The following PRELID2 variants were observed in gnomAD, a reference collection of about 807,000 sequenced individuals.
The protein encoded by PRELID2 is PRELI domain-containing protein 2.
In PRELID2, 25 loss-of-function variants were observed where a neutral mutation model predicts 28.4. The ratio of observed to expected loss-of-function variants is 0.88; its 90% confidence interval spans 0.64 to 1.23. The LOEUF is 1.23. PRELID2 is among the 50% of genes most tolerant of loss of function. The pLI is 0.00. For synonymous variants in PRELID2, 76 were observed against 71.6 expected (o/e 1.06, Z -0.31); for missense variants, 201 against 214.4 (o/e 0.94, Z 0.39).
At chr5:145,513,757 T>G (rs1309847890) in intron 1 of PRELID2, among the ~76,000 whole-genome samples, 2 of 152,170 alleles carry the variant, frequency 1.3e-5, no homozygotes, top group African/African-American at 4.8e-5. Context: ...AATGTCGGGT[T>G]ACTCACAAAG....
intron 5 of PRELID2, among the ~76,000 whole-genome samples, chr5:145,771,974 A>C (rs1758135743): frequency 6.6e-6 from 1 of 152,312 alleles, no homozygotes; most frequent in African/African-American, 2.4e-5. Context: ...AGGTAAGAGA[A>C]TACTGCATGA....
At chr5:145,316,234 G>T in the PRELID2 span, among the ~76,000 whole-genome samples, 4 of 152,194 alleles carry the variant, frequency 2.6e-5, no homozygotes, top group East Asian at 7.7e-4. Context: ...TAGTAATGTA[G>T]AGTAAACTTT....
chr5:145,416,078 T>C, the PRELID2 span, among the ~76,000 whole-genome samples: 1 of 152,134 alleles, frequency 6.6e-6, no homozygotes, highest in Admixed American at 6.6e-5. Context: ...ATAAATGTCT[T>C]CTTTTGAGAA....
chr5:145,339,237 A>T, the PRELID2 span, among the ~76,000 whole-genome samples: 1 of 152,232 alleles, frequency 6.6e-6, no homozygotes, highest in African/African-American at 2.4e-5. Flanking sequence ...TCTAAGAGAA[A>T]ACAGTGAGAT....
chr5:145,620,091 C>T (rs1001747416), intron 1 of PRELID2, among the ~76,000 whole-genome samples: 2 of 152,288 alleles, frequency 1.3e-5, no homozygotes, highest in East Asian at 3.9e-4. Flanking sequence ...AGTGATTCTG[C>T]TCCTAGCCAT....
the PRELID2 span, among the ~76,000 whole-genome samples, chr5:145,452,497 C>T: frequency 1.3e-5 from 2 of 152,130 alleles, no homozygotes; most frequent in Non-Finnish European, 2.9e-5. Context: ...CTCCCTGAAG[C>T]TGTCCTGACT....
the PRELID2 span, among the ~76,000 whole-genome samples, chr5:145,317,836 C>A: frequency 6.6e-6 from 1 of 152,158 alleles, no homozygotes; most frequent in African/African-American, 2.4e-5. Context: ...CTTTAGGTAA[C>A]CTCACTGTGA....
chr5:145,702,706 G>A (rs1755438560), intron 1 of PRELID2, among the ~76,000 whole-genome samples: 1 of 152,124 alleles, frequency 6.6e-6, no homozygotes, highest in Admixed American at 6.5e-5. Context: ...TGGCCAAAAT[G>A]AGGTCACAAA....
the PRELID2 span, among the ~76,000 whole-genome samples, chr5:145,449,202 G>A: frequency 3.3e-5 from 5 of 152,092 alleles, no homozygotes; most frequent in East Asian, 1.9e-4. Context: ...TGAGTCCCAC[G>A]TGTTAGCACA....
At chr5:145,278,502 C>T in the PRELID2 span, among the ~76,000 whole-genome samples, 2 of 152,148 alleles carry the variant, frequency 1.3e-5, no homozygotes, top group Non-Finnish European at 2.9e-5. Context: ...ACATCACTTT[C>T]AGTTACTCAC....
the PRELID2 span, among the ~76,000 whole-genome samples, chr5:145,426,170 G>A: frequency 2.0e-5 from 3 of 152,142 alleles, no homozygotes; most frequent in Non-Finnish European, 4.4e-5. Context: ...TGATCCTGTG[G>A]TTTGCCTGCA....
chr5:145,421,808 C>A, the PRELID2 span, among the ~76,000 whole-genome samples: 4 of 134,094 alleles, frequency 3.0e-5, no homozygotes, highest in Non-Finnish European at 6.5e-5. Context: ...TTTTCTAGTT[C>A]TTTTAATTGT....
intron 3 of PRELID2, among the ~76,000 whole-genome samples, chr5:145,819,212 G>T (rs1037262349): frequency 3.3e-5 from 5 of 152,136 alleles, no homozygotes; most frequent in Admixed American, 2.0e-4. Context: ...TGAGAATGGA[G>T]TAACACAACA....
chr5:145,809,469 G>C (rs1371570127), intron 4 of PRELID2, among the ~76,000 whole-genome samples: 1 of 152,186 alleles, frequency 6.6e-6, no homozygotes, highest in African/African-American at 2.4e-5. Context: ...TGGAGACAAA[G>C]AGCCAGCCTC....
At chr5:145,532,329 C>G (rs1752660749) in intron 1 of PRELID2, among the ~76,000 whole-genome samples, 1 of 151,728 alleles carries the variant, frequency 6.6e-6, no homozygotes, top group African/African-American at 2.4e-5. Flanking sequence ...TTTTTTTCTC[C>G]CCAGTTTTAT....
chr5:145,572,897 T>C (rs1300097312), intron 1 of PRELID2, among the ~76,000 whole-genome samples: 3 of 152,196 alleles, frequency 2.0e-5, no homozygotes, highest in East Asian at 1.9e-4. Flanking sequence ...TTGTGGGGTA[T>C]ACTTTGTGAT....
chr5:145,426,890 G>T, the PRELID2 span, among the ~76,000 whole-genome samples: 1 of 152,134 alleles, frequency 6.6e-6, no homozygotes, highest in African/African-American at 2.4e-5. Context: ...CTAGTACCCT[G>T]GTTGAGATGG....
chr5:145,609,061 C>T (rs983155533), intron 1 of PRELID2, among the ~76,000 whole-genome samples: 9 of 152,168 alleles, frequency 5.9e-5, no homozygotes, highest in African/African-American at 2.2e-4. Context: ...GCTGTTAATA[C>T]TTGCAATTAT....
chr5:145,469,274 A>G (rs779726961), downstream of PRELID2, among the ~76,000 whole-genome samples: 1 of 152,132 alleles, frequency 6.6e-6, no homozygotes. Context: ...TCCACAATCT[A>G]CTAACCAATA....
Sources: gnomAD v4.1 joint callset for allele counts (sites outside exome capture counted in the v4.1 genomes callset) on GRCh38, gnomAD v4.1.1 for gene constraint, MANE v1.5 for transcripts, NCBI Gene and HGNC (gene_info 2026-07-23, HGNC 2026-07-21) for gene names.